SERBP1: variants seen among roughly 807,000 people sequenced by gnomAD.
SERBP1 encodes SERPINE1 mRNA binding protein 1.
A neutral mutation model predicts 50.2 loss-of-function variants in SERBP1; 6 were observed. The ratio of observed to expected loss-of-function variants is 0.12; its 90% CI spans 0.07 to 0.24. The LOEUF (loss-of-function observed/expected upper bound fraction) is 0.24. Ranked by LOEUF, SERBP1 falls within the 10% of genes least tolerant of loss-of-function variation. The pLI is 1.00. For synonymous variants in SERBP1, 168 were observed against 182.8 expected, an observed-to-expected ratio of 0.92 and a Z score of 0.65; for missense variants, 346 against 524.9, an observed-to-expected ratio of 0.66 and a Z score of 3.33.
chr1:67,419,304 T>C (rs1667129411), intron 6 of SERBP1, among the ~76,000 whole-genome samples: 2 of 152,236 alleles, frequency 1.3e-5, no homozygotes, highest in South Asian at 2.1e-4. Flanking sequence ...TGTTAACTGG[T>C]TATGTTATCA....
intron 6 of SERBP1, among the ~76,000 whole-genome samples, chr1:67,419,578 T>C (rs950025381): frequency 6.0e-5 from 9 of 149,834 alleles, no homozygotes; most frequent in Non-Finnish European, 1.0e-4. Context: ...GTTTCAAAAG[T>C]TGAATTCTAA....
At chr1:67,424,052 A>G (rs1667291388) in intron 5 of SERBP1, 148 bp downstream of exon 5, 1 of 716,732 alleles carries the variant, frequency 1.4e-6, no homozygotes, top group Admixed American at 3.2e-5. Context: ...TCTTTCAAAT[A>G]CTCTTTGAGG....
rs1666967413 is a variant in SERBP1, at chr1:67,415,289, A to G, written c.1002T>C (p.Asn334=). Residue 334 remains asparagine (N), a synonymous_variant, in exon 7 of 8, where the codon AAT becomes AAC. Transcript: ENST00000361219. ...TGATCTCCAGCTGAGACGTTATATCATTTGCTGGCTTCCGGAAATGATGGT... is the reference window on the plus strand; with the variant it reads ...TGATCTCCAGCTGAGACGTTATATCGTTTGCTGGCTTCCGGAAATGATGGT... The part of the protein sequence containing the change: ...VMDHHFRKPA[N]DITSQLEINF... 1 of 1,610,358 alleles carries G rather than the reference A, an allele frequency of 6.2e-7. No individual in the cohort carries two copies. Among genetic ancestry groups the G allele is most frequent in the Admixed American group, 1.7e-5 (1 of 59,404 alleles).
At chr1:67,420,949 T>A (rs987642536) in intron 5 of SERBP1, among the ~76,000 whole-genome samples, 4 of 152,216 alleles carry the variant, frequency 2.6e-5, no homozygotes, top group Admixed American at 1.3e-4. Flanking sequence ...GGATCCATTA[T>A]TTTAGTATAA....
Position 67,413,249 on chromosome 1 carries a change from A to G in SERBP1, c.1140T>C (p.Ala380=), listed in dbSNP as rs186780002. Reference sequence around the variant, plus strand: ...ATGCCTCTGGGTCATCCACATCAGGAGCAGAAGCACTTGACTGAAAAAGAA... The same window carrying G: ...ATGCCTCTGGGTCATCCACATCAGGGGCAGAAGCACTTGACTGAAAAAGAA... ...GSRTDKSSAS[A]PDVDDPEAFP... is the part of the protein sequence containing the mutation. The change falls in exon 8 of 8, where the codon GCT becomes GCC. Residue 380 remains alanine, a synonymous_variant. Coordinates refer to ENST00000361219, the MANE Select transcript of SERBP1 (RefSeq NM_001018069.2). 32 of 1,590,054 alleles carry G rather than the reference A, an allele frequency of 2.0e-5. No individual in the cohort carries two copies. Among genetic ancestry groups the G allele is most frequent in the Non-Finnish European group, 1.7e-6 (2 of 1,171,908 alleles).
At chr1:67,421,058 A>G (rs1330929455) in intron 5 of SERBP1, among the ~76,000 whole-genome samples, 1 of 152,144 alleles carries the variant, frequency 6.6e-6, no homozygotes, top group Non-Finnish European at 1.5e-5. Flanking sequence ...TAGAGCTCAA[A>G]TATCTCCCTG....
chr1:67,424,961 T>C lies in SERBP1; in HGVS notation c.622A>G (p.Ser208Gly). ...CGTTTGTCCTCGTGCTTCAGGCCAC[T>C]GTAATGTGAAAAAGAACTAACAAAA... Reference protein sequence around the residue: ...GSDRSSFSHYSGLKHEDKRGG... With the variant: ...GSDRSSFSHYGGLKHEDKRGG... The change falls in exon 4 of 8, where the codon AGT becomes GGT. Residue 208 changes from serine to glycine, a missense_variant. By Grantham distance (56) the Ser-to-Gly change is moderately conservative. Transcript: ENST00000361219. 3 of 1,613,104 alleles carry C rather than the reference T, an allele frequency of 1.9e-6. No individual in the cohort carries two copies. Among genetic ancestry groups the C allele is most frequent in the Non-Finnish European group, 1.7e-6 (2 of 1,179,872 alleles).
At chr1:67,427,361 G>A (rs1214281482) in intron 1 of SERBP1, among the ~76,000 whole-genome samples, 1 of 152,288 alleles carries the variant, frequency 6.6e-6, no homozygotes, top group Admixed American at 6.5e-5. Flanking sequence ...CTTTAAGATT[G>A]TTGGTATGCT....
rs1350673367 is a variant in SERBP1, at chr1:67,411,613, T to A, written c.*1594A>T. The A allele has an allele frequency of 1.3e-5, 2 of 152,236 alleles. No homozygotes were observed. Among genetic ancestry groups the A allele is most frequent in the Admixed American group, 1.3e-4 (2 of 15,282 alleles). 9.4% of individuals were successfully genotyped at this position (152,236 alleles called of 1,614,324 possible). On this transcript the variant is annotated 3_prime_UTR_variant, in exon 8 of 8. Transcript: ENST00000361219. ...CTAAAATGTCAGAATAGTAGGTAAC[T>A]GAGATTAATAAATCTTATCCAAAAA...
chr1:67,415,020 A>G, intron 7 of SERBP1, 146 bp downstream of exon 7: 1 of 884,996 alleles, frequency 1.1e-6, no homozygotes, highest in Non-Finnish European at 1.6e-6. Context: ...AAGTGCTTTA[A>G]ACATAAATAT....
rs565673874 is a variant in SERBP1 at position 67,430,053 on chromosome 1, G to T, written c.248C>A (p.Pro83His). ...CTTGTCAACCACGCCAACGCTGGGG[G>T]GCAGCGGGTTCTTGCGGTCTTTCTG... is the stretch of plus-strand genomic sequence containing the variant. ...ESQKDRKNPL[P>H]PSVGVVDKKE... Residue 83 changes from proline to histidine, a missense_variant, in exon 1 of 8, where the codon CCC becomes CAC. Around this residue, in one of 5 missense-constraint regions of SERBP1, gnomAD observed 257 missense variants for 331.2 expected, o/e 0.78. Transcript: ENST00000361219. 1.9e-6 allele frequency: 3 copies of T among 1,613,708 alleles called. No homozygotes were observed. The highest frequency in any genetic ancestry group is 2.2e-5 in the South Asian group (2 of 91,056).
chr1:67,423,176 G>A (rs1402353601), intron 5 of SERBP1, among the ~76,000 whole-genome samples: 3 of 151,718 alleles, frequency 2.0e-5, no homozygotes, highest in Admixed American at 2.0e-4. Context: ...GCGGGTGCCT[G>A]TAATCCCAGC....
rs751561143 is a variant in SERBP1, at chr1:67,424,157, C to T, written c.773+43G>A. 3.9e-6 allele frequency: 6 copies of T among 1,556,110 alleles called. No homozygotes were observed. In the East Asian group the frequency reaches 1.2e-4, roughly 30 times the overall value. Reference sequence around the variant, plus strand: ...TTATCTTATTGGTAAAACTCCAGTGCTTTCAATTCTGGGTCATTACTATTA... The same window carrying T: ...TTATCTTATTGGTAAAACTCCAGTGTTTTCAATTCTGGGTCATTACTATTA... On this transcript the variant is annotated intron_variant, in intron 5 of 7. Transcript: ENST00000361219.
intron 6 of SERBP1, among the ~76,000 whole-genome samples, chr1:67,417,770 C>T (rs777335375): frequency 2.6e-5 from 4 of 151,932 alleles, no homozygotes; most frequent in South Asian, 4.1e-4. Context: ...CTCAGCCTCC[C>T]GAAGTGCTGG....
At chr1:67,420,298 G>C (rs1667160209) in intron 5 of SERBP1, 112 bp from the exon 6 acceptor site, 2 of 999,438 alleles carry the variant, frequency 2.0e-6, no homozygotes, top group Non-Finnish European at 2.9e-6. Flanking sequence ...TTTAGAGAAA[G>C]ATTATTCAAG....
At position 67,424,982 on chromosome 1, in the gene SERBP1, C is replaced by A. The variant is rs764672101; in HGVS notation, c.606-5G>T. On this transcript the variant is annotated splice_region_variant and splice_polypyrimidine_tract_variant and intron_variant, in intron 3 of 7. Transcript: ENST00000361219. Reference sequence around the variant, plus strand: ...CCACTGTAATGTGAAAAAGAACTAACAAAACTGAGTTAACATAATACTCTT... The same window carrying A: ...CCACTGTAATGTGAAAAAGAACTAAAAAAACTGAGTTAACATAATACTCTT... The A allele has an allele frequency of 6.2e-7, 1 of 1,612,458 alleles. No homozygotes were observed. Among genetic ancestry groups the A allele is most frequent in the Non-Finnish European group, 8.5e-7 (1 of 1,179,532 alleles).
intron 1 of SERBP1, 135 bp from the exon 2 acceptor site, chr1:67,426,420 T>A: frequency 1.3e-6 from 1 of 756,516 alleles, no homozygotes; most frequent in Non-Finnish European, 1.9e-6. Flanking sequence ...TGGGCAACTC[T>A]AATGTGTAAC....
Position 67,413,276 on chromosome 1 carries a change from A to G in SERBP1, c.1126-13T>C. The G allele has an allele frequency of 6.4e-7, 1 of 1,574,056 alleles. No homozygotes were observed. The highest frequency in any genetic ancestry group is 2.0e-5 in the Admixed American group (1 of 50,480). ...CAGAAGCACTTGACTGAAAAAGAAA[A>G]ACCAAAATTAACCACAGTTCTCAGT... is the stretch of plus-strand genomic sequence containing the variant. On this transcript the variant is annotated splice_polypyrimidine_tract_variant and intron_variant, in intron 7 of 7. Transcript: ENST00000361219.
At chr1:67,426,791 CTA>C (rs1431574173) in intron 1 of SERBP1, among the ~76,000 whole-genome samples, 1 of 151,984 alleles carries the variant, frequency 6.6e-6, no homozygotes, top group South Asian at 2.1e-4. Context: ...GAGGGCCGCA[CTA>C]TGTTATTCTA....
Sources: allele counts gnomAD v4.1 joint callset (sites outside exome capture counted in the v4.1 genomes callset), GRCh38; gene constraint gnomAD v4.1.1; regional missense constraint gnomAD v4.1.1; transcripts MANE v1.5; gene names NCBI Gene and HGNC (gene_info 2026-07-23, HGNC 2026-07-21).